TG: variants seen among roughly 807,000 people sequenced by gnomAD.
TG encodes the protein thyroglobulin.
TG carries 270 observed loss-of-function variants against 324.7 expected under a neutral mutation model. The observed-to-expected ratio is 0.83, with a 90% CI of 0.75 to 0.92. The LOEUF (loss-of-function observed/expected upper bound fraction) is 0.92. Among genes scored for constraint, TG ranks in the 40% least tolerant of loss-of-function variants. TG has a pLI of 0.00. For synonymous variants in TG, 1,401 were observed against 1,327.0 expected, an observed-to-expected ratio of 1.06 and a Z score of -1.21; for missense variants, 3,591 against 3,456.4, an observed-to-expected ratio of 1.04 and a Z score of -0.98.
intron 46 of TG, among the ~76,000 whole-genome samples, chr8:133,132,512 A>G (rs1852021057): frequency 6.6e-6 from 1 of 152,178 alleles, no homozygotes; most frequent in Non-Finnish European, 1.5e-5. Context: ...CCAATGAAGT[A>G]TACTCGCTGT....
At chr8:133,103,336 G>A (rs1359652128) in intron 43 of TG, among the ~76,000 whole-genome samples, 1 of 152,042 alleles carries the variant, frequency 6.6e-6, no homozygotes, top group Non-Finnish European at 1.5e-5. Context: ...AGGTCTCATG[G>A]CTCTAGGATG....
rs1815476563 is a variant in TG at position 132,886,722 on chromosome 8, C to A, written c.1350C>A (p.Ser450=). The A allele has an allele frequency of 1.2e-6, 2 of 1,614,068 alleles. No individual in the cohort carries two copies. Among genetic ancestry groups the A allele is most frequent in the Non-Finnish European group, 1.7e-6 (2 of 1,180,042 alleles). Reference sequence around the variant, plus strand: ...AAGCCATCCGAGCAATTTTTCCCTCCCGAGGGCTGGCTCGTCTTGCCCTTC... The same window carrying A: ...AAGCCATCCGAGCAATTTTTCCCTCACGAGGGCTGGCTCGTCTTGCCCTTC... The part of the protein sequence containing the change: ...LKEAIRAIFP[S]RGLARLALQF... Residue 450 remains serine (S), a synonymous_variant, in exon 9 of 48, where the codon TCC becomes TCA. Coordinates refer to ENST00000220616, the MANE Select transcript of TG (RefSeq NM_003235.5).
Position 133,095,102 on chromosome 8 carries a change from C to T in TG, c.7298C>T (p.Ala2433Val), listed in dbSNP as rs774802955. ...VISHERAQQQ[A>V]IALAKEVSCP... ...AGCCATGAGAGGGCTCAGCAGCAGG[C>T]AATTGCTTTGGCAAAGGAGGTCAGT... Residue 2433 changes from alanine to valine, a missense_variant, in exon 42 of 48, where the codon GCA becomes GTA. Physicochemically the swap from Ala to Val is moderately conservative, Grantham distance 64. Transcript: ENST00000220616. 4 of 1,614,066 alleles carry T rather than the reference C, an allele frequency of 2.5e-6. No homozygotes were observed. The South Asian group carries it at 4.4e-5, about 18-fold the overall frequency.
chr8:132,884,965 A>T (rs1385623907), intron 8 of TG, among the ~76,000 whole-genome samples: 2 of 152,216 alleles, frequency 1.3e-5, no homozygotes, highest in Non-Finnish European at 2.9e-5. Flanking sequence ...CCATTAAAAG[A>T]GGCCATGGCC....
intron 26 of TG, among the ~76,000 whole-genome samples, chr8:132,947,316 G>C (rs1287589081): frequency 2.0e-5 from 3 of 152,126 alleles, no homozygotes; most frequent in African/African-American, 7.2e-5. Flanking sequence ...ACCTAGAAAT[G>C]AGCATTTTCA....
At chr8:132,925,843 G>A (rs746517303) in intron 22 of TG, among the ~76,000 whole-genome samples, 29 of 152,196 alleles carry the variant, frequency 1.9e-4, no homozygotes, top group Non-Finnish European at 3.7e-4. Context: ...GCATTTCATG[G>A]TGTATTCTGC....
At chr8:133,116,358 TG>T (rs1564207298) in intron 44 of TG, among the ~76,000 whole-genome samples, 1 of 152,248 alleles carries the variant, frequency 6.6e-6, no homozygotes, top group Non-Finnish European at 1.5e-5. Context: ...TACATCAGCA[TG>T]GACGCCAGTT....
chr8:133,043,798 A>G (rs150357436), intron 41 of TG, among the ~76,000 whole-genome samples: 26 of 152,350 alleles, frequency 1.7e-4, no homozygotes, highest in African/African-American at 6.0e-4. Flanking sequence ...GCCCATATGC[A>G]AGAGAATGCC....
intron 11 of TG, among the ~76,000 whole-genome samples, chr8:132,894,481 C>T (rs1338492998): frequency 1.1e-4 from 17 of 147,980 alleles, no homozygotes; most frequent in African/African-American, 3.7e-4. Context: ...TTTTTTGAGA[C>T]GGAGTCTTGC....
intron 34 of TG, among the ~76,000 whole-genome samples, chr8:132,975,616 G>A (rs1315059467): frequency 1.3e-5 from 2 of 152,160 alleles, no homozygotes; most frequent in African/African-American, 2.4e-5. Context: ...GGGTCCTCTG[G>A]CATTACCAAT....
At chr8:132,908,430 GCT>G in intron 18 of TG, 90 bp downstream of exon 18, 2 of 918,762 alleles carry the variant, frequency 2.2e-6, no homozygotes, top group Non-Finnish European at 1.6e-6. Context: ...TAACACAGAG[GCT>G]GGAGACAGGG....
At chr8:133,096,399 T>A in intron 43 of TG, 26 bp downstream of exon 43, 1 of 1,613,814 alleles carries the variant, frequency 6.2e-7, no homozygotes, top group Non-Finnish European at 8.5e-7. Flanking sequence ...GCCTCGGATG[T>A]CTCCAGCTGG....
At chr8:132,868,840 A>G (rs1839213319) in intron 2 of TG, among the ~76,000 whole-genome samples, 1 of 152,246 alleles carries the variant, frequency 6.6e-6, no homozygotes, top group Admixed American at 6.5e-5. Flanking sequence ...TGCAGAATAG[A>G]CAGGAATCCT....
rs539800457 is a variant in TG, at chr8:132,928,013, A to G, written c.4700-1063A>G. ...AAAATCAGAATTCTTTTCTCTATCA[A>G]CACTTTTGAAGGCTTAGAGCATGCT... On this transcript the variant is annotated intron_variant, in intron 22 of 47. Coordinates refer to ENST00000220616, the MANE Select transcript of TG (RefSeq NM_003235.5). 1.1e-4 allele frequency among the ~76,000 whole-genome samples: 17 copies of G among 152,342 alleles called. No individual in the cohort carries two copies. The East Asian group carries it at 3.3e-3, about 29-fold the overall frequency.
intron 34 of TG, among the ~76,000 whole-genome samples, chr8:132,975,399 A>G (rs1830057983): frequency 6.6e-6 from 1 of 152,214 alleles, no homozygotes. Flanking sequence ...GGAAGGAATC[A>G]AGGTACTCAT....
intron 43 of TG, among the ~76,000 whole-genome samples, chr8:133,103,277 G>C (rs1203438233): frequency 6.6e-6 from 1 of 152,214 alleles, no homozygotes; most frequent in African/African-American, 2.4e-5. Context: ...GTCTCTTGCA[G>C]TGTTATAAGA....
chr8:133,006,692 G>A (rs370079588), intron 35 of TG, among the ~76,000 whole-genome samples: 9 of 152,222 alleles, frequency 5.9e-5, no homozygotes, highest in East Asian at 5.8e-4. Context: ...TTTTGGTCCT[G>A]TTTTCAAAGT....
In TG at chr8:132,901,573, G is replaced by C; in HGVS notation, c.3634+20G>C. 6.2e-7 allele frequency: 1 copy of C among 1,607,800 alleles called. No homozygotes were observed. Among genetic ancestry groups the C allele is most frequent in the South Asian group, 1.1e-5 (1 of 90,390 alleles). ...GTGAGAGTAAGTCATGACCCCCTGGGGGGACGACGAGGCCTGCATATCTGT... is the reference window on the plus strand; with the variant it reads ...GTGAGAGTAAGTCATGACCCCCTGGCGGGACGACGAGGCCTGCATATCTGT... On this transcript the variant is annotated intron_variant, in intron 16 of 47. Transcript: ENST00000220616.
rs1330801550 is a variant in TG, at chr8:132,897,739, G to A, written c.3092G>A (p.Cys1031Tyr). 1 of 1,614,246 alleles carries A rather than the reference G, an allele frequency of 6.2e-7. No homozygotes were observed. Among genetic ancestry groups the A allele is most frequent in the African/African-American group, 1.3e-5 (1 of 75,066 alleles). ...LLRSGPYMPQ[C>Y]DAFGSWEPVQ... Reference sequence around the variant, plus strand: ...CGGTCGGGCCCCTACATGCCACAGTGTGATGCGTTTGGAAGTTGGGAGCCT... The same window carrying A: ...CGGTCGGGCCCCTACATGCCACAGTATGATGCGTTTGGAAGTTGGGAGCCT... The change falls in exon 12 of 48, where the codon TGT (cysteine) becomes TAT (tyrosine). Residue 1031 changes from cysteine (C) to tyrosine (Y), a missense_variant. By Grantham distance (194) the Cys-to-Tyr change is radical (BLOSUM62 -2). Coordinates refer to ENST00000220616, the MANE Select transcript of TG (RefSeq NM_003235.5).
Sources: gnomAD v4.1 joint callset for allele counts (sites outside exome capture counted in the v4.1 genomes callset) on GRCh38, gnomAD v4.1.1 for gene constraint, MANE v1.5 for transcripts, NCBI Gene and HGNC (gene_info 2026-07-23, HGNC 2026-07-21) for gene names.